Variants in CPNE4 observed in about 807,000 individuals in gnomAD.
The protein encoded by CPNE4 is copine-4.
In CPNE4, 25 loss-of-function variants were observed where a neutral mutation model predicts 67.9. The ratio of observed to expected loss-of-function variants is 0.37; its 90% CI spans 0.27 to 0.51. The LOEUF (loss-of-function observed/expected upper bound fraction) is 0.51. CPNE4 is among the 20% of genes least tolerant of loss of function. The pLI, the probability that CPNE4 is intolerant of heterozygous loss-of-function variation, is 0.93. For missense variants in CPNE4, 464 were observed against 690.8 expected, an observed-to-expected ratio of 0.67 and a Z score of 3.68; for synonymous variants, 242 against 244.9, an observed-to-expected ratio of 0.99 and a Z score of 0.11.
intron 1 of CPNE4, among the ~76,000 whole-genome samples, chr3:132,016,070 A>G (rs2073883347): frequency 6.6e-6 from 1 of 152,264 alleles, no homozygotes; most frequent in South Asian, 2.1e-4. Context: ...TTTCCAGACT[A>G]TATAATTGGA....
intron 2 of CPNE4, among the ~76,000 whole-genome samples, chr3:131,724,264 T>C (rs1226796030): frequency 6.6e-6 from 1 of 152,158 alleles, no homozygotes; most frequent in Non-Finnish European, 1.5e-5. Flanking sequence ...GAGTATGCCC[T>C]TTATTAAGTG....
At chr3:131,866,349 C>T (rs1313845373) in intron 2 of CPNE4, among the ~76,000 whole-genome samples, 2 of 152,184 alleles carry the variant, frequency 1.3e-5, no homozygotes, top group African/African-American at 2.4e-5. Context: ...GGGCTGAGGC[C>T]TCCGGGATCC....
At chr3:131,978,085 A>G (rs2072724786) in intron 1 of CPNE4, among the ~76,000 whole-genome samples, 1 of 34,784 alleles carries the variant, frequency 2.9e-5, no homozygotes, top group Admixed American at 7.2e-4. Context: ...ATAAATATAT[A>G]TAAATATATA....
intron 11 of CPNE4, among the ~76,000 whole-genome samples, chr3:131,561,788 G>A (rs931246875): frequency 2.0e-5 from 3 of 152,118 alleles, no homozygotes; most frequent in African/African-American, 7.2e-5. Context: ...TAATTCCAGA[G>A]CCCCGACTTG....
chr3:131,799,909 TGTGTGTGTGTTGTGTGTG>T lies in CPNE4; in HGVS notation c.181-76302_181-76285del, dbSNP rs1560339010. Among the ~76,000 whole-genome samples, 560 of 84,236 alleles carry T rather than the reference TGTGTGTGTGTTGTGTGTG, an allele frequency of 6.6e-3. 6 individuals carry two copies. Among genetic ancestry groups the T allele is most frequent in the African/African-American group, 0.026 (533 of 20,606 alleles). The allele number at this position is 84,236 out of a possible 152,430, so 55.3% of individuals were successfully genotyped here. A position where few individuals can be genotyped will look rare whatever the true frequency, so the allele number is the denominator to read the frequency against. On this transcript the variant is annotated intron_variant, in intron 2 of 15. Transcript: ENST00000429747. ...GGATTGTTTTTTGTTGGTGCGTGTG[TGTGTGTGTGTTGTGTGTG>T]TGTGTGTGTGTGTGTGTGTGTGTGT...
At chr3:131,571,603 T>C (rs1198988143) in intron 10 of CPNE4, among the ~76,000 whole-genome samples, 1 of 152,072 alleles carries the variant, frequency 6.6e-6, no homozygotes, top group Non-Finnish European at 1.5e-5. Flanking sequence ...AGTGCTTCTC[T>C]TTCCACAGTA....
At chr3:132,000,058 A>C (rs2073392681) in intron 1 of CPNE4, among the ~76,000 whole-genome samples, 1 of 152,012 alleles carries the variant, frequency 6.6e-6, no homozygotes, top group Non-Finnish European at 1.5e-5. Context: ...ATAGGCAAAA[A>C]AAAAAAAGTC....
At chr3:131,997,762 T>A (rs142877758) in intron 1 of CPNE4, among the ~76,000 whole-genome samples, 2 of 152,252 alleles carry the variant, frequency 1.3e-5, no homozygotes, top group East Asian at 3.9e-4. Context: ...ATTTAAAAAC[T>A]TAGATTGATG....
At chr3:131,882,182 ACT>A (rs2087698451) in intron 2 of CPNE4, among the ~76,000 whole-genome samples, 1 of 151,804 alleles carries the variant, frequency 6.6e-6, no homozygotes, top group Non-Finnish European at 1.5e-5. Flanking sequence ...TCTCTCACAA[ACT>A]CACACATACT....
At chr3:131,889,179 G>T (rs2088010819) in intron 2 of CPNE4, among the ~76,000 whole-genome samples, 1 of 152,124 alleles carries the variant, frequency 6.6e-6, no homozygotes, top group Non-Finnish European at 1.5e-5. Flanking sequence ...AAGTTCTATT[G>T]TTGTTACCTT....
At chr3:131,687,742 T>C (rs955110454) in intron 5 of CPNE4, among the ~76,000 whole-genome samples, 3 of 152,184 alleles carry the variant, frequency 2.0e-5, no homozygotes, top group Non-Finnish European at 4.4e-5. Context: ...TGTTAAGATA[T>C]AAGGACAGAT....
chr3:131,756,777 C>T (rs1393946403), intron 2 of CPNE4, among the ~76,000 whole-genome samples: 10 of 152,282 alleles, frequency 6.6e-5, no homozygotes, highest in African/African-American at 2.2e-4. Flanking sequence ...GCCCAAATCT[C>T]AACTTGGATT....
At chr3:131,780,376 A>G (rs1437696332) in intron 2 of CPNE4, among the ~76,000 whole-genome samples, 1 of 152,172 alleles carries the variant, frequency 6.6e-6, no homozygotes, top group African/African-American at 2.4e-5. Context: ...AGACACATGC[A>G]TGCTTGTTCA....
At chr3:131,967,260 C>A (rs1319984493) in intron 1 of CPNE4, among the ~76,000 whole-genome samples, 1 of 152,152 alleles carries the variant, frequency 6.6e-6, no homozygotes, top group East Asian at 1.9e-4. Context: ...AGCCCACAGC[C>A]AATATCATAC....
At chr3:131,548,731 C>T (rs1030295806) in intron 14 of CPNE4, among the ~76,000 whole-genome samples, 1 of 152,054 alleles carries the variant, frequency 6.6e-6, no homozygotes, top group African/African-American at 2.4e-5. Flanking sequence ...GAATTAAGAT[C>T]AGAGAGGTAG....
chr3:132,022,909 A>G (rs1302362285), intron 1 of CPNE4, among the ~76,000 whole-genome samples: 1 of 152,170 alleles, frequency 6.6e-6, no homozygotes, highest in Non-Finnish European at 1.5e-5. Flanking sequence ...ATAAAAATAA[A>G]AGGCAATCTG....
At chr3:131,604,867 G>C (rs1029623566) in intron 7 of CPNE4, among the ~76,000 whole-genome samples, 1 of 152,028 alleles carries the variant, frequency 6.6e-6, no homozygotes, top group Admixed American at 6.6e-5. Flanking sequence ...GGCAGTCAGA[G>C]GTCACAACTC....
At chr3:132,027,109 CA>C (rs2074130519) in intron 1 of CPNE4, among the ~76,000 whole-genome samples, 2 of 152,188 alleles carry the variant, frequency 1.3e-5, no homozygotes, top group Admixed American at 1.3e-4. Context: ...AGTTTTTGAG[CA>C]ACTACTAGGT....
intron 2 of CPNE4, among the ~76,000 whole-genome samples, chr3:131,896,327 C>A (rs549320559): frequency 1.3e-5 from 2 of 152,070 alleles, no homozygotes; most frequent in East Asian, 3.9e-4. Flanking sequence ...GGGCTTCACT[C>A]CGATTACTAT....
Sources: allele counts gnomAD v4.1 joint callset (sites outside exome capture counted in the v4.1 genomes callset), GRCh38; gene constraint gnomAD v4.1.1; transcripts MANE v1.5; gene names NCBI Gene and HGNC (gene_info 2026-07-23, HGNC 2026-07-21).